Variants in NHSL1 observed in about 807,000 individuals in gnomAD.
The protein encoded by NHSL1 is NHS-like protein 1.
Under a neutral mutation model 95.0 loss-of-function variants are expected in NHSL1, and 48 were observed. That is an observed-to-expected ratio of 0.51 (90% CI 0.40 to 0.64). The LOEUF (loss-of-function observed/expected upper bound fraction) is 0.64. Among genes scored for constraint, NHSL1 ranks in the 30% least tolerant of loss-of-function variants. The probability of loss-of-function intolerance (pLI) is 0.00; values close to 1 mark genes in which losing one functional copy is unlikely to be tolerated. For synonymous variants in NHSL1, 783 were observed against 833.9 expected, an observed-to-expected ratio of 0.94 and a Z score of 1.05; for missense variants, 1,971 against 2,077.7, an observed-to-expected ratio of 0.95 and a Z score of 1.00.
chr6:138,615,016 A>G (rs1458003564), intron 1 of NHSL1, among the ~76,000 whole-genome samples: 2 of 151,646 alleles, frequency 1.3e-5, no homozygotes, highest in Non-Finnish European at 2.9e-5. Flanking sequence ...TAGATCACAA[A>G]GCTGGCAAAT....
At chr6:138,556,779 T>G (rs761451284) in intron 1 of NHSL1, among the ~76,000 whole-genome samples, 1 of 152,052 alleles carries the variant, frequency 6.6e-6, no homozygotes, top group East Asian at 1.9e-4. Context: ...AAATGTTTAG[T>G]AGAGTAGAAG....
chr6:138,625,547 C>T (rs888782454), intron 1 of NHSL1, among the ~76,000 whole-genome samples: 1 of 151,400 alleles, frequency 6.6e-6, no homozygotes, highest in African/African-American at 2.4e-5. Flanking sequence ...TAGACAGTAG[C>T]AATTTTATTT....
At chr6:138,529,837 G>C (rs1782061960) in intron 1 of NHSL1, among the ~76,000 whole-genome samples, 1 of 152,116 alleles carries the variant, frequency 6.6e-6, no homozygotes. Context: ...AATCTCCCTT[G>C]GGTAAGGTCA....
intron 1 of NHSL1, among the ~76,000 whole-genome samples, chr6:138,564,337 T>C (rs1783525777): frequency 6.6e-6 from 1 of 152,078 alleles, no homozygotes; most frequent in African/African-American, 2.4e-5. Flanking sequence ...CTTGTTCCCC[T>C]TTGATCCATC....
intron 2 of NHSL1, among the ~76,000 whole-genome samples, chr6:138,493,175 G>T (rs1385904315): frequency 2.6e-5 from 4 of 152,162 alleles, no homozygotes; most frequent in African/African-American, 9.7e-5. Context: ...CCCAACCACA[G>T]TTCATAAGTC....
chr6:138,492,860 C>T (rs1780155069), intron 2 of NHSL1, among the ~76,000 whole-genome samples: 1 of 152,132 alleles, frequency 6.6e-6, no homozygotes. Context: ...GAAGAAGAAA[C>T]AAAATGATTA....
chr6:138,616,147 C>A lies in NHSL1; in HGVS notation c.96+76329G>T, dbSNP rs561558273. 4.6e-5 allele frequency among the ~76,000 whole-genome samples: 7 copies of A among 152,248 alleles called. No individual in the cohort carries two copies. The East Asian group carries it at 1.3e-3, about 29-fold the overall frequency. ...ATTTGCTAGTCTTTTGAGATCAGAG[C>A]AAATAATGAACAAATTCATACACAA... On this transcript the variant is annotated intron_variant, in intron 1 of 3. Coordinates refer to the NHSL1 transcript ENST00000491526.
At chr6:138,553,649 T>A (rs1213266680) in intron 1 of NHSL1, among the ~76,000 whole-genome samples, 2 of 152,220 alleles carry the variant, frequency 1.3e-5, no homozygotes, top group African/African-American at 4.8e-5. Flanking sequence ...ACCACCAGCA[T>A]AGATTCCTAT....
In NHSL1 at chr6:138,431,205, G is replaced by A. The variant is rs1205727853; in HGVS notation, c.3140C>T (p.Ser1047Phe). 2 of 1,539,694 alleles carry A rather than the reference G, an allele frequency of 1.3e-6. No individual in the cohort carries two copies. Among genetic ancestry groups the A allele is most frequent in the Non-Finnish European group, 1.8e-6 (2 of 1,139,646 alleles). Residue 1047 changes from serine to phenylalanine, a missense_variant, in exon 6 of 8, where the codon TCC becomes TTC. Ser to Phe is a radical substitution (Grantham distance 155). Coordinates refer to ENST00000343505, the MANE Select transcript of NHSL1 (RefSeq NM_001144060.2). The surrounding 1 kb of genome is among the most constrained non-coding windows in gnomAD (Gnocchi z 4.0). Reference protein sequence around the residue: ...PFTNSGQPESSRGSLRPPSTK... With the variant: ...PFTNSGQPESFRGSLRPPSTK... ...AGAAGGCGGCCTCAAGGATCCCCGG[G>A]AGGATTCTGGCTGGCCAGAATTTGT...
chr6:138,683,261 G>C (rs191621634), intron 1 of NHSL1, among the ~76,000 whole-genome samples: 1 of 152,322 alleles, frequency 6.6e-6, no homozygotes, highest in Admixed American at 6.5e-5. Context: ...TCCAACCAGA[G>C]GTATTTTTGT....
At chr6:138,442,959 A>G (rs2128216224) in intron 4 of NHSL1, among the ~76,000 whole-genome samples, 1 of 152,294 alleles carries the variant, frequency 6.6e-6, no homozygotes, top group East Asian at 1.9e-4. Flanking sequence ...CTGCCAGTTT[A>G]AAGTCTTACA....
At chr6:138,569,241 G>GTA (rs1243223642) in intron 1 of NHSL1, among the ~76,000 whole-genome samples, 1 of 148,454 alleles carries the variant, frequency 6.7e-6, no homozygotes, top group Non-Finnish European at 1.5e-5. Flanking sequence ...ATGGTTGTGT[G>GTA]TATATGTGTG....
At chr6:138,526,042 G>A (rs1246408851) in intron 1 of NHSL1, among the ~76,000 whole-genome samples, 8 of 147,968 alleles carry the variant, frequency 5.4e-5, no homozygotes, top group Admixed American at 4.8e-4. Flanking sequence ...GCACTGAGCC[G>A]AGATCATGCC....
intron 1 of NHSL1, among the ~76,000 whole-genome samples, chr6:138,625,466 T>G (rs1784724181): frequency 1.3e-5 from 2 of 152,124 alleles, no homozygotes; most frequent in African/African-American, 2.4e-5. Flanking sequence ...TTCCAGCGTT[T>G]AGGTCTTTTT....
intron 2 of NHSL1, among the ~76,000 whole-genome samples, chr6:138,483,038 G>A (rs996230812): frequency 6.6e-6 from 1 of 152,224 alleles, no homozygotes; most frequent in Admixed American, 6.5e-5. Context: ...AATCAATGCT[G>A]ATGCAGCTGT....
At chr6:138,622,505 A>T (rs760062021) in intron 1 of NHSL1, among the ~76,000 whole-genome samples, 1 of 152,158 alleles carries the variant, frequency 6.6e-6, no homozygotes, top group Non-Finnish European at 1.5e-5. Flanking sequence ...AGAAAAAAAC[A>T]ATAACCTTTT....
At chr6:138,492,207 C>T (rs1780118051) in intron 2 of NHSL1, among the ~76,000 whole-genome samples, 1 of 152,224 alleles carries the variant, frequency 6.6e-6, no homozygotes, top group Non-Finnish European at 1.5e-5. Context: ...ACTATCTCCT[C>T]TCTCATGTGG....
At chr6:138,506,862 TA>T (rs1414914451) in intron 1 of NHSL1, among the ~76,000 whole-genome samples, 1 of 152,194 alleles carries the variant, frequency 6.6e-6, no homozygotes, top group Non-Finnish European at 1.5e-5. Flanking sequence ...TTAAAAAAAC[TA>T]CTTAAGATTA....
At chr6:138,586,919 G>A (rs1209393767) in intron 1 of NHSL1, among the ~76,000 whole-genome samples, 1 of 151,584 alleles carries the variant, frequency 6.6e-6, no homozygotes. Context: ...TTTCATAAAG[G>A]TTCTTATTCA....
Sources: gnomAD v4.1 joint callset for allele counts (sites outside exome capture counted in the v4.1 genomes callset) on GRCh38, gnomAD v4.1.1 for gene constraint, Gnocchi (gnomAD v3.1) non-coding constraint, MANE v1.5 for transcripts, NCBI Gene and HGNC (gene_info 2026-07-23, HGNC 2026-07-21) for gene names.